The following FBXW7 variants were observed in gnomAD, a reference collection of about 807,000 sequenced individuals.
The protein encoded by FBXW7 is F-box/WD repeat-containing protein 7.
A neutral mutation model predicts 86.3 loss-of-function variants in FBXW7; 11 were observed. The ratio of observed to expected loss-of-function variants is 0.13; its 90% CI spans 0.08 to 0.21. The LOEUF (loss-of-function observed/expected upper bound fraction) is 0.21, where lower values mean the gene tolerates loss of function less well. Ranked by LOEUF, FBXW7 falls within the 10% of genes least tolerant of loss-of-function variation. The pLI, the probability that FBXW7 is intolerant of heterozygous loss-of-function variation, is 1.00. For synonymous variants in FBXW7, 313 were observed against 297.9 expected, an observed-to-expected ratio of 1.05 and a Z score of -0.52; for missense variants, 488 against 847.4, an observed-to-expected ratio of 0.58 and a Z score of 5.27.
At chr4:152,492,265 A>T (rs2149686159) in intron 2 of FBXW7, among the ~76,000 whole-genome samples, 1 of 152,340 alleles carries the variant, frequency 6.6e-6, no homozygotes, top group Non-Finnish European at 1.5e-5. Flanking sequence ...TGAATATACC[A>T]AAAAATTTTT....
chr4:152,501,728 CTTTT>C (rs1489749804), intron 2 of FBXW7, among the ~76,000 whole-genome samples: 1 of 151,908 alleles, frequency 6.6e-6, no homozygotes, highest in Admixed American at 6.6e-5. Flanking sequence ...GATGAACATT[CTTTT>C]TTTTATTTGT....
At chr4:152,519,126 G>A (rs547827320) in intron 2 of FBXW7, among the ~76,000 whole-genome samples, 63 of 152,046 alleles carry the variant, frequency 4.1e-4, no homozygotes, top group Middle Eastern at 6.8e-3. Flanking sequence ...GTGAAACCCC[G>A]TCTCTACTAA....
chr4:152,401,880 G>T (rs1736961667), intron 4 of FBXW7, among the ~76,000 whole-genome samples: 1 of 152,086 alleles, frequency 6.6e-6, no homozygotes, highest in South Asian at 2.1e-4. Context: ...GGCTAATGCA[G>T]GAAGTCTCCA....
intron 2 of FBXW7, among the ~76,000 whole-genome samples, chr4:152,512,248 C>T (rs1349952312): frequency 6.6e-6 from 1 of 152,100 alleles, no homozygotes. Context: ...ATATTGTCTA[C>T]ATAATTTTAT....
chr4:152,357,159 A>C (rs1732462356), intron 4 of FBXW7, among the ~76,000 whole-genome samples: 1 of 152,140 alleles, frequency 6.6e-6, no homozygotes, highest in East Asian at 1.9e-4. Flanking sequence ...CAAACACTAA[A>C]CACTGTAATA....
chr4:152,490,789 G>A (rs1182994294), intron 2 of FBXW7, among the ~76,000 whole-genome samples: 2 of 152,098 alleles, frequency 1.3e-5, no homozygotes, highest in Admixed American at 6.6e-5. Context: ...TATAAGCAAA[G>A]CAGATTTTTT....
At chr4:152,511,197 C>T (rs1302608098) in intron 2 of FBXW7, among the ~76,000 whole-genome samples, 3 of 152,008 alleles carry the variant, frequency 2.0e-5, no homozygotes, top group Non-Finnish European at 4.4e-5. Context: ...CTTCTCTCCC[C>T]TTTTGCTCAT....
chr4:152,443,879 A>G (rs2126993120), intron 2 of FBXW7, among the ~76,000 whole-genome samples: 1 of 152,356 alleles, frequency 6.6e-6, no homozygotes. Flanking sequence ...CCTATTTCAA[A>G]GGTTGAGTCT....
chr4:152,493,557 G>A (rs534235142), intron 2 of FBXW7, among the ~76,000 whole-genome samples: 1 of 152,294 alleles, frequency 6.6e-6, no homozygotes, highest in African/African-American at 2.4e-5. Context: ...CTAACCCCCA[G>A]TACGTCAGAA....
intron 4 of FBXW7, among the ~76,000 whole-genome samples, chr4:152,410,146 T>C (rs921692574): frequency 5.9e-5 from 9 of 152,154 alleles, no homozygotes; most frequent in Admixed American, 2.6e-4. Context: ...AGGCTTAGTT[T>C]TGATTGAACC....
intron 2 of FBXW7, among the ~76,000 whole-genome samples, chr4:152,438,130 T>C (rs750391109): frequency 3.3e-5 from 5 of 152,084 alleles, no homozygotes; most frequent in African/African-American, 7.2e-5. Flanking sequence ...GCCAATACCA[T>C]ACCACTGCAC....
chr4:152,435,076 G>A (rs1386346520), intron 2 of FBXW7, among the ~76,000 whole-genome samples: 1 of 139,882 alleles, frequency 7.1e-6, no homozygotes, highest in African/African-American at 2.7e-5. Flanking sequence ...GGGGAGGGGA[G>A]GGGAGGGGAG....
chr4:152,431,016 C>A (rs1739843316), intron 2 of FBXW7, among the ~76,000 whole-genome samples: 1 of 152,148 alleles, frequency 6.6e-6, no homozygotes, highest in African/African-American at 2.4e-5. Flanking sequence ...ATATATCCAC[C>A]CAGTCTTCCT....
chr4:152,370,775 C>T (rs772850731), intron 4 of FBXW7, among the ~76,000 whole-genome samples: 8 of 151,722 alleles, frequency 5.3e-5, no homozygotes, highest in Non-Finnish European at 1.2e-4. Flanking sequence ...TTCGATAGCT[C>T]TGAAAAATAT....
intron 2 of FBXW7, among the ~76,000 whole-genome samples, chr4:152,442,567 T>C (rs1419754526): frequency 2.6e-5 from 4 of 152,242 alleles, no homozygotes; most frequent in Non-Finnish European, 4.4e-5. Flanking sequence ...GTATTTCCAG[T>C]GGTTTACACA....
At chr4:152,430,847 T>C (rs1025081765) in intron 2 of FBXW7, among the ~76,000 whole-genome samples, 3 of 152,244 alleles carry the variant, frequency 2.0e-5, no homozygotes, top group Admixed American at 6.5e-5. Context: ...AAAATTAATA[T>C]GTTTACAGCA....
chr4:152,400,202 G>A (rs750638985), intron 4 of FBXW7, among the ~76,000 whole-genome samples: 7 of 152,116 alleles, frequency 4.6e-5, no homozygotes, highest in East Asian at 1.9e-4. Flanking sequence ...AGTCTTTTCC[G>A]CAAATGGTGC....
intron 2 of FBXW7, among the ~76,000 whole-genome samples, chr4:152,514,869 CAA>C (rs1408016618): frequency 6.6e-6 from 1 of 152,136 alleles, no homozygotes; most frequent in African/African-American, 2.4e-5. Flanking sequence ...TACAGCAACA[CAA>C]AAAGAGACTA....
At chr4:152,390,854 GT>G (rs141001520) in intron 4 of FBXW7, among the ~76,000 whole-genome samples, 4 of 151,838 alleles carry the variant, frequency 2.6e-5, no homozygotes, top group South Asian at 4.2e-4. Flanking sequence ...GTAATTGTGT[GT>G]TTTTTTGCTA....
Sources: gnomAD v4.1 joint callset for allele counts (sites outside exome capture counted in the v4.1 genomes callset) on GRCh38, gnomAD v4.1.1 for gene constraint, MANE v1.5 for transcripts, NCBI Gene and HGNC (gene_info 2026-07-23, HGNC 2026-07-21) for gene names.